The following TXNDC16 variants were observed in gnomAD, a reference collection of about 807,000 sequenced individuals.
The protein encoded by TXNDC16 is thioredoxin domain containing 16, also known as thioredoxin domain-containing protein 16.
In TXNDC16, 74 loss-of-function variants were observed where a neutral mutation model predicts 85.6. The observed-to-expected ratio is 0.86, with a 90% CI of 0.72 to 1.05. The LOEUF is 1.05. Ranked by LOEUF, TXNDC16 falls within the 50% of genes least tolerant of loss-of-function variation. The probability of loss-of-function intolerance (pLI) is 0.00; values close to 1 mark genes in which losing one functional copy is unlikely to be tolerated. For missense variants in TXNDC16, 959 were observed against 947.0 expected (o/e 1.01, Z -0.17); for synonymous variants, 335 against 326.5 (o/e 1.03, Z -0.28).
At chr14:52,442,449 C>T (rs990262635) in intron 18 of TXNDC16, among the ~76,000 whole-genome samples, 4 of 152,182 alleles carry the variant, frequency 2.6e-5, no homozygotes, top group Non-Finnish European at 5.9e-5. Flanking sequence ...TTCAGATGAA[C>T]TTGTTTTTAA....
At chr14:52,529,113 G>C (rs984794791) in intron 6 of TXNDC16, among the ~76,000 whole-genome samples, 1 of 150,880 alleles carries the variant, frequency 6.6e-6, no homozygotes, top group African/African-American at 2.4e-5. Context: ...TTAAGAAAAT[G>C]TGGCACATAT....
chr14:52,439,207 T>G lies in TXNDC16; in HGVS notation c.2191A>C (p.Ile731Leu), dbSNP rs1032651674. Residue 731 changes from isoleucine (I) to leucine (L), a missense_variant, in exon 20 of 21, where the codon ATC becomes CTC. By Grantham distance (5) the Ile-to-Leu change is conservative (BLOSUM62 2). Coordinates refer to ENST00000281741, the MANE Select transcript of TXNDC16 (RefSeq NM_020784.3). The stretch of plus-strand genomic sequence containing the variant: ...TTAAACAAAACAGAAAACTTACTGA[T>G]ATGATTTTCTAGTCCTGCTTCTAAT... ...KKLEAGLENH[I>L]TILPAQEWKP... 1 of 1,613,500 alleles carries G rather than the reference T, an allele frequency of 6.2e-7. No homozygotes were observed. The highest frequency in any genetic ancestry group is 1.3e-5 in the African/African-American group (1 of 75,020).
intron 18 of TXNDC16, among the ~76,000 whole-genome samples, chr14:52,450,880 T>TATATATAC (rs1491178456): frequency 8.8e-6 from 1 of 113,542 alleles, no homozygotes; most frequent in Admixed American, 8.9e-5. Context: ...TATATATATA[T>TATATATAC]ACACACACAC....
At chr14:52,527,633 T>C (rs918233248) in intron 6 of TXNDC16, among the ~76,000 whole-genome samples, 1 of 152,188 alleles carries the variant, frequency 6.6e-6, no homozygotes, top group African/African-American at 2.4e-5. Flanking sequence ...CCTTGCTATG[T>C]ACAGGTATAA....
intron 7 of TXNDC16, among the ~76,000 whole-genome samples, chr14:52,517,840 A>G (rs746860412): frequency 1.3e-5 from 2 of 152,112 alleles, no homozygotes; most frequent in Non-Finnish European, 2.9e-5. Context: ...CTCCTTCCCA[A>G]TAGCAAAACT....
At chr14:52,447,201 C>T (rs1405079786) in intron 18 of TXNDC16, among the ~76,000 whole-genome samples, 4 of 151,842 alleles carry the variant, frequency 2.6e-5, no homozygotes, top group Non-Finnish European at 5.9e-5. Context: ...GAGTCCCAGG[C>T]CAGAAAGCAT....
intron 6 of TXNDC16, among the ~76,000 whole-genome samples, chr14:52,531,965 C>T (rs545633580): frequency 6.6e-5 from 10 of 152,136 alleles, no homozygotes; most frequent in Admixed American, 2.0e-4. Flanking sequence ...TTCTGTACAT[C>T]TAAAACTGCT....
chr14:52,463,398 C>A (rs2035698832), intron 16 of TXNDC16, among the ~76,000 whole-genome samples: 1 of 152,152 alleles, frequency 6.6e-6, no homozygotes, highest in Admixed American at 6.5e-5. Flanking sequence ...CTATTTCTGA[C>A]ACCATCTGTT....
intron 1 of TXNDC16, among the ~76,000 whole-genome samples, chr14:52,548,831 G>A (rs924891555): frequency 3.3e-5 from 5 of 151,490 alleles, no homozygotes; most frequent in African/African-American, 7.3e-5. Flanking sequence ...GCAGTGAGCC[G>A]AGATCACACC....
intron 18 of TXNDC16, among the ~76,000 whole-genome samples, chr14:52,454,994 A>C (rs1304147183): frequency 6.6e-6 from 1 of 152,184 alleles, no homozygotes; most frequent in Non-Finnish European, 1.5e-5. Flanking sequence ...AAGTTAACCT[A>C]TGTCAGTAAG....
intron 7 of TXNDC16, among the ~76,000 whole-genome samples, chr14:52,515,675 G>A (rs879812054): frequency 0.072 from 7,087 of 98,840 alleles, 452 homozygotes; most frequent in African/African-American, 0.23. Flanking sequence ...ACATATGTGT[G>A]TGTGTGTGTG....
rs1242612767 is a variant in TXNDC16 at position 52,490,922 on chromosome 14, C to T, written c.840G>A (p.Gln280=). The T allele has an allele frequency of 6.2e-7, 1 of 1,612,196 alleles. No homozygotes were observed. Among genetic ancestry groups the T allele is most frequent in the Non-Finnish European group, 8.5e-7 (1 of 1,179,662 alleles). The change falls in exon 10 of 21, where the codon CAG becomes CAA. Residue 280 remains glutamine, a synonymous_variant. Coordinates refer to ENST00000281741, the MANE Select transcript of TXNDC16 (RefSeq NM_020784.3). ...GLPLVFIVSQ[Q]ATYEADRRTA... ...TTCTTCTATCAGCTTCATAAGTAGC[C>T]TGTTGGCTAACAATAAAAACCAGTG... is the stretch of plus-strand genomic sequence containing the variant.
intron 4 of TXNDC16, among the ~76,000 whole-genome samples, chr14:52,539,339 G>A (rs1229276853): frequency 6.6e-6 from 1 of 152,082 alleles, no homozygotes; most frequent in African/African-American, 2.4e-5. Context: ...AAGCAGAGGG[G>A]AAAATATCTG....
At chr14:52,543,252 G>A in intron 3 of TXNDC16, 146 bp downstream of exon 3, 1 of 850,806 alleles carries the variant, frequency 1.2e-6, no homozygotes, top group Non-Finnish European at 1.7e-6. Flanking sequence ...AGCGGCACGG[G>A]CCGGATTCAA....
intron 1 of TXNDC16, among the ~76,000 whole-genome samples, chr14:52,549,960 T>C (rs1348621447): frequency 1.3e-5 from 2 of 152,288 alleles, no homozygotes. Flanking sequence ...TTTTAAATGT[T>C]TGAAAGACTA....
rs2140241785 is a variant in TXNDC16, at chr14:52,552,327, C to T, written c.-193G>A. 6.6e-6 allele frequency: 1 copy of T among 152,462 alleles called. No individual in the cohort carries two copies. The highest frequency in any genetic ancestry group is 1.9e-4 in the East Asian group (1 of 5,156). 9.4% of individuals were successfully genotyped at this position (152,462 alleles called of 1,614,324 possible). A position where few individuals can be genotyped will look rare whatever the true frequency, so the allele number is the denominator to read the frequency against. On this transcript the variant is annotated 5_prime_UTR_variant, in exon 1 of 21. Transcript: ENST00000281741. ...GCGCTGTCACCTACCTGCCCGGGACCTGCGGGCGGGGACCTGGGCCGTTCC... is the reference window on the plus strand; with the variant it reads ...GCGCTGTCACCTACCTGCCCGGGACTTGCGGGCGGGGACCTGGGCCGTTCC...
At chr14:52,536,821 A>G in intron 5 of TXNDC16, 28 bp from the exon 6 acceptor site, 1 of 1,531,062 alleles carries the variant, frequency 6.5e-7, no homozygotes, top group East Asian at 2.4e-5. Flanking sequence ...ACATATTAAT[A>G]TTGAAAAATA....
chr14:52,442,609 T>A (rs574959714), intron 18 of TXNDC16, among the ~76,000 whole-genome samples: 4 of 152,176 alleles, frequency 2.6e-5, no homozygotes, highest in Non-Finnish European at 5.9e-5. Flanking sequence ...CAAAATCTCC[T>A]TCTTACACCT....
chr14:52,508,617 G>GT (rs1395132234), intron 9 of TXNDC16, among the ~76,000 whole-genome samples: 1 of 152,138 alleles, frequency 6.6e-6, no homozygotes, highest in Non-Finnish European at 1.5e-5. Flanking sequence ...ACATGCACAC[G>GT]TATGTTTACT....
Sources: gnomAD v4.1 joint callset for allele counts (sites outside exome capture counted in the v4.1 genomes callset) on GRCh38, gnomAD v4.1.1 for gene constraint, MANE v1.5 for transcripts, NCBI Gene and HGNC (gene_info 2026-07-23, HGNC 2026-07-21) for gene names.